EPS8: variants seen among roughly 807,000 people sequenced by gnomAD.
EPS8 encodes EGFR pathway substrate 8, signaling adaptor, also known as epidermal growth factor receptor kinase substrate 8.
A neutral mutation model predicts 103.8 loss-of-function variants in EPS8; 42 were observed. That is an observed-to-expected ratio of 0.40 (90% CI 0.32 to 0.52). The LOEUF (loss-of-function observed/expected upper bound fraction) is 0.52, where lower values mean the gene tolerates loss of function less well. Ranked by LOEUF, EPS8 falls within the 20% of genes least tolerant of loss-of-function variation. The pLI is 0.40. For missense variants in EPS8, 969 were observed against 1,005.1 expected, an observed-to-expected ratio of 0.96 and a Z score of 0.49; for synonymous variants, 344 against 344.6, an observed-to-expected ratio of 1.00 and a Z score of 0.02.
rs1947112312 is a variant in EPS8 at position 15,767,795 on chromosome 12, G to A, written c.-22+21366C>T. On this transcript the variant is annotated intron_variant, in intron 1 of 20. Coordinates refer to ENST00000281172, the MANE Select transcript of EPS8 (RefSeq NM_004447.6). This position sits in a 1 kb window ranked among gnomAD's most constrained non-coding sequence, Gnocchi z 5.5. Reference sequence around the variant, plus strand: ...AATACTCATTTGTCAGTTTTAAGCTGTCTGGAAATCTGTTTTCCCAACAGG... The same window carrying A: ...AATACTCATTTGTCAGTTTTAAGCTATCTGGAAATCTGTTTTCCCAACAGG... 6.6e-6 allele frequency among the ~76,000 whole-genome samples: 1 copy of A among 152,178 alleles called. No individual in the cohort carries two copies. The highest frequency in any genetic ancestry group is 1.5e-5 in the Non-Finnish European group (1 of 68,036).
At chr12:15,683,067 A>G in intron 1 of EPS8, 95 bp from the exon 2 acceptor site, 1 of 595,752 alleles carries the variant, frequency 1.7e-6, no homozygotes, top group Admixed American at 3.7e-5. Flanking sequence ...TGTTGCTGCC[A>G]GGAATTATAG....
chr12:15,718,566 C>G (rs987815677), intron 1 of EPS8, among the ~76,000 whole-genome samples: 4 of 152,066 alleles, frequency 2.6e-5, no homozygotes, highest in Admixed American at 6.6e-5. Context: ...TCAATATTTC[C>G]CATAATTATG....
intron 14 of EPS8, among the ~76,000 whole-genome samples, chr12:15,650,224 C>T (rs1364095466): frequency 6.6e-6 from 1 of 152,020 alleles, no homozygotes; most frequent in African/African-American, 2.4e-5. Context: ...ATCATTTGAG[C>T]CTAAGGACTA....
rs1341912605 is a variant in EPS8 at position 15,761,929 on chromosome 12, ACAAATGGGATCATAT to A, written c.-22+27217_-22+27231del. On this transcript the variant is annotated intron_variant, in intron 1 of 20. Coordinates refer to ENST00000281172, the MANE Select transcript of EPS8 (RefSeq NM_004447.6). The surrounding 1 kb of genome is among the most constrained non-coding windows in gnomAD (Gnocchi z 4.5). The stretch of plus-strand genomic sequence containing the variant: ...GAACAGGCAACCAAAACGAAAAGGG[ACAAATGGGATCATAT>A]CAAGTTAAAAACCTTCTGAATAGCA... Among the ~76,000 whole-genome samples the A allele has an allele frequency of 6.6e-6, 1 of 152,200 alleles. No homozygotes were observed. Among genetic ancestry groups the A allele is most frequent in the Non-Finnish European group, 1.5e-5 (1 of 68,030 alleles).
intron 6 of EPS8, among the ~76,000 whole-genome samples, chr12:15,668,702 A>G (rs1322161569): frequency 1.3e-5 from 2 of 152,330 alleles, no homozygotes; most frequent in African/African-American, 4.8e-5. Context: ...ACTTTAAATC[A>G]ATATCGTGGG....
chr12:15,698,392 A>G lies in EPS8; in HGVS notation c.-21-15420T>C, dbSNP rs1946268413. ...ACGAGAACTACTCAAGGAAAAGAAC[A>G]AGCAGTGTCAACTAGACTCCCCAAC... On this transcript the variant is annotated intron_variant, in intron 1 of 20. Coordinates refer to ENST00000281172, the MANE Select transcript of EPS8 (RefSeq NM_004447.6). This position sits in a 1 kb window ranked among gnomAD's most constrained non-coding sequence, Gnocchi z 4.9. Among the ~76,000 whole-genome samples the G allele has an allele frequency of 6.6e-6, 1 of 152,166 alleles. No individual in the cohort carries two copies.
At position 15,681,234 on chromosome 12, in the gene EPS8, G is replaced by A; in HGVS notation, c.128C>T (p.Ala43Val). 1 of 1,557,896 alleles carries A rather than the reference G, an allele frequency of 6.4e-7. No homozygotes were observed. The highest frequency in any genetic ancestry group is 8.7e-7 in the Non-Finnish European group (1 of 1,143,854). The part of the protein sequence containing the change: ...REHGSKTSAK[A>V]LYEQRKNYAR... Reference sequence around the variant, plus strand: ...CAAATAAACAAACCTACCATAAAGGGCCTTTGCACTTGTTTTTGAACCATG... The same window carrying A: ...CAAATAAACAAACCTACCATAAAGGACCTTTGCACTTGTTTTTGAACCATG... Residue 43 changes from alanine (A) to valine (V), a missense_variant, in exon 3 of 21, where the codon GCC becomes GTC. By Grantham distance (64) the Ala-to-Val change is moderately conservative. Coordinates refer to ENST00000281172, the MANE Select transcript of EPS8 (RefSeq NM_004447.6).
intron 18 of EPS8, among the ~76,000 whole-genome samples, chr12:15,626,204 T>C (rs1035324672): frequency 6.6e-6 from 1 of 152,176 alleles, no homozygotes; most frequent in Non-Finnish European, 1.5e-5. Context: ...CAAAATCCAA[T>C]GATTTCACTG....
intron 1 of EPS8, among the ~76,000 whole-genome samples, chr12:15,753,927 G>A (rs1393158360): frequency 6.6e-6 from 1 of 152,222 alleles, no homozygotes; most frequent in Non-Finnish European, 1.5e-5. Context: ...GGTCACTCAT[G>A]CAAGGAAAGG....
chr12:15,620,339 T>C lies in EPS8; in HGVS notation c.*978A>G, dbSNP rs917521197. 1 of 152,638 alleles carries C rather than the reference T, an allele frequency of 6.6e-6. No individual in the cohort carries two copies. The highest frequency in any genetic ancestry group is 6.5e-5 in the Admixed American group (1 of 15,280). The allele number at this position is 152,638 out of a possible 1,614,324, so 9.5% of individuals were successfully genotyped here. A position where few individuals can be genotyped will look rare whatever the true frequency, so the allele number is the denominator to read the frequency against. ...ATAATATAACATTTAATGACAAAAA[T>C]TGTGTTTCCAAAAATAACATTTGTT... On this transcript the variant is annotated 3_prime_UTR_variant, in exon 21 of 21. Coordinates refer to ENST00000281172, the MANE Select transcript of EPS8 (RefSeq NM_004447.6).
chr12:15,623,468 G>C (rs1295320671), intron 19 of EPS8, among the ~76,000 whole-genome samples, 181 bp from the exon 20 acceptor site: 2 of 152,116 alleles, frequency 1.3e-5, no homozygotes, highest in Non-Finnish European at 2.9e-5. Context: ...TCATGATGAT[G>C]ACCCTGAGGC....
intron 8 of EPS8, 34 bp from the exon 9 acceptor site, chr12:15,662,133 T>G (rs751134084): frequency 6.9e-6 from 11 of 1,591,336 alleles, no homozygotes; most frequent in Non-Finnish European, 9.5e-6. Flanking sequence ...CTTTCAATCT[T>G]TTACTCCCAC....
intron 18 of EPS8, among the ~76,000 whole-genome samples, chr12:15,626,751 T>G (rs1246210782): frequency 6.6e-6 from 1 of 151,414 alleles, no homozygotes; most frequent in Admixed American, 6.6e-5. Context: ...CTAAAGCCAC[T>G]CCACAACTCT....
chr12:15,646,417 T>A (rs1945320540), intron 15 of EPS8, among the ~76,000 whole-genome samples: 1 of 152,206 alleles, frequency 6.6e-6, no homozygotes, highest in Non-Finnish European at 1.5e-5. Flanking sequence ...ACCCTTCTCC[T>A]ATAACCGTGT....
intron 1 of EPS8, among the ~76,000 whole-genome samples, chr12:15,685,748 T>A (rs1184365282): frequency 1.3e-5 from 2 of 152,306 alleles, no homozygotes; most frequent in East Asian, 3.9e-4. Flanking sequence ...TTGCAGTGTA[T>A]ACCATGCGGA....
At chr12:15,770,423 T>C (rs1947142081) in intron 1 of EPS8, among the ~76,000 whole-genome samples, 1 of 152,138 alleles carries the variant, frequency 6.6e-6, no homozygotes, top group Non-Finnish European at 1.5e-5. Flanking sequence ...CGTGTTTTTG[T>C]AGGCCCTTTT....
chr12:15,785,024 G>GGTATATATACCTT lies in EPS8; in HGVS notation c.-22+4136_-22+4137insAAGGTATATATAC, dbSNP rs1947297396. 1.3e-5 allele frequency among the ~76,000 whole-genome samples: 2 copies of GGTATATATACCTT among 152,078 alleles called. No individual in the cohort carries two copies. Among genetic ancestry groups the GGTATATATACCTT allele is most frequent in the Non-Finnish European group, 2.9e-5 (2 of 67,948 alleles). On this transcript the variant is annotated intron_variant, in intron 1 of 20. Coordinates refer to ENST00000281172, the MANE Select transcript of EPS8 (RefSeq NM_004447.6). This position sits in a 1 kb window ranked among gnomAD's most constrained non-coding sequence, Gnocchi z 4.9. ...TTGAAATTATTCGGTATGATACTAT[G>GGTATATATACCTT]ATCCTATAAGGATAGCTACATCAAA...
Position 15,755,320 on chromosome 12 carries a change from T to C in EPS8, c.-22+33841A>G, listed in dbSNP as rs77439773. On this transcript the variant is annotated intron_variant, in intron 1 of 20. Transcript: ENST00000281172. ...AAATCTTACATGCAAAACCTATATA[T>C]TCAACAGATTAAAACTGAGATACTG... Among the ~76,000 whole-genome samples the C allele has an allele frequency of 0.011, 1,602 of 152,242 alleles. 144 individuals carry two copies. In the East Asian group the frequency reaches 0.24, roughly 23 times the overall value.
intron 1 of EPS8, among the ~76,000 whole-genome samples, chr12:15,758,077 C>T (rs1367254739): frequency 6.6e-6 from 1 of 152,204 alleles, no homozygotes; most frequent in Non-Finnish European, 1.5e-5. Context: ...ACTAAGTCCC[C>T]AGTGCCAGCA....
Sources: allele counts gnomAD v4.1 joint callset (sites outside exome capture counted in the v4.1 genomes callset), GRCh38; gene constraint gnomAD v4.1.1; non-coding constraint Gnocchi (gnomAD v3.1); transcripts MANE v1.5; gene names NCBI Gene and HGNC (gene_info 2026-07-23, HGNC 2026-07-21).